Variants in ADD3 observed in about 807,000 individuals in gnomAD.
ADD3 encodes adducin 3.
In ADD3, 25 loss-of-function variants were observed where a neutral mutation model predicts 80.2. The ratio of observed to expected loss-of-function variants is 0.31; its 90% CI spans 0.23 to 0.44. The LOEUF (loss-of-function observed/expected upper bound fraction) is 0.44, where lower values mean the gene tolerates loss of function less well. Ranked by LOEUF, ADD3 falls within the 20% of genes least tolerant of loss-of-function variation. The pLI is 1.00. For synonymous variants in ADD3, 284 were observed against 289.6 expected, an observed-to-expected ratio of 0.98 and a Z score of 0.20; for missense variants, 829 against 847.5, an observed-to-expected ratio of 0.98 and a Z score of 0.27.
intron 12 of ADD3, among the ~76,000 whole-genome samples, chr10:110,127,751 G>A (rs147183350): frequency 6.6e-6 from 1 of 152,268 alleles, no homozygotes; most frequent in East Asian, 1.9e-4. Flanking sequence ...AGCTGCACAG[G>A]TTCATCTGGA....
At chr10:110,017,732 C>T (rs1268028120) in intron 1 of ADD3, among the ~76,000 whole-genome samples, 1 of 152,130 alleles carries the variant, frequency 6.6e-6, no homozygotes, top group East Asian at 1.9e-4. Context: ...TTTGTGCATA[C>T]CAAGTACGTT....
intron 1 of ADD3, among the ~76,000 whole-genome samples, chr10:110,096,047 CTGGT>C (rs1176762239): frequency 6.6e-6 from 1 of 151,964 alleles, no homozygotes; most frequent in Admixed American, 6.6e-5. Flanking sequence ...TGTCAGTGTG[CTGGT>C]TGTGATACTG....
chr10:110,115,600 G>A (rs964330245), intron 3 of ADD3, among the ~76,000 whole-genome samples: 2 of 152,222 alleles, frequency 1.3e-5, no homozygotes, highest in Non-Finnish European at 2.9e-5. Flanking sequence ...AGATGAACTT[G>A]TTAAAGGAGA....
intron 6 of ADD3, 122 bp from the exon 7 acceptor site, chr10:110,119,089 G>A: frequency 3.9e-6 from 4 of 1,033,488 alleles, no homozygotes; most frequent in Non-Finnish European, 5.6e-6. Flanking sequence ...TGGGAAGTGG[G>A]CTGCAATGGT....
chr10:110,043,570 G>A (rs1278259467), intron 1 of ADD3, among the ~76,000 whole-genome samples: 2 of 152,136 alleles, frequency 1.3e-5, no homozygotes, highest in Non-Finnish European at 2.9e-5. Flanking sequence ...CACTATTGGA[G>A]CCACATTTTT....
At chr10:110,084,149 G>A (rs1846408520) in intron 1 of ADD3, among the ~76,000 whole-genome samples, 1 of 152,188 alleles carries the variant, frequency 6.6e-6, no homozygotes, top group African/African-American at 2.4e-5. Flanking sequence ...GCATGTGTGA[G>A]TGGGCACAAA....
intron 1 of ADD3, among the ~76,000 whole-genome samples, chr10:110,034,138 T>TA (rs1367052416): frequency 1.3e-5 from 2 of 152,208 alleles, no homozygotes; most frequent in Non-Finnish European, 2.9e-5. Flanking sequence ...ACACTGCCCT[T>TA]AAGTTATGAG....
At chr10:110,096,113 T>G (rs990097044) in intron 1 of ADD3, among the ~76,000 whole-genome samples, 2 of 152,136 alleles carry the variant, frequency 1.3e-5, no homozygotes, top group African/African-American at 2.4e-5. Flanking sequence ...GAAAAGGGCA[T>G]AAGGGATGTC....
At position 110,123,872 on chromosome 10, in the gene ADD3, G is replaced by C. The variant is rs114283656; in HGVS notation, c.1144-145G>C. 819 of 781,628 alleles carry C rather than the reference G, an allele frequency of 1.0e-3. 4 individuals are homozygous for C. In the African/African-American group the frequency reaches 0.013, roughly 12 times the overall value. 48.4% of individuals were successfully genotyped at this position (781,628 alleles called of 1,614,324 possible). On this transcript the variant is annotated intron_variant, in intron 9 of 14. Coordinates refer to ENST00000356080, the MANE Select transcript of ADD3 (RefSeq NM_016824.5). Reference sequence around the variant, plus strand: ...ATTTCAGCTCCAGTGTTACATGAAAGTTATGTGGTGTTTGGAAGGATGCCT... The same window carrying C: ...ATTTCAGCTCCAGTGTTACATGAAACTTATGTGGTGTTTGGAAGGATGCCT...
chr10:110,011,976 A>C (rs377117766), intron 1 of ADD3, among the ~76,000 whole-genome samples: 1 of 152,250 alleles, frequency 6.6e-6, no homozygotes, highest in Non-Finnish European at 1.5e-5. Flanking sequence ...CCTCTAAAAC[A>C]TACAGGTTAG....
intron 3 of ADD3, among the ~76,000 whole-genome samples, chr10:110,114,464 A>T (rs1211070391): frequency 6.6e-6 from 1 of 152,220 alleles, no homozygotes; most frequent in East Asian, 1.9e-4. Flanking sequence ...TTACAAAGAA[A>T]GGGGCTACAG....
Position 110,122,807 on chromosome 10 carries a change from C to A in ADD3, c.1143+515C>A, listed in dbSNP as rs1253678025. On this transcript the variant is annotated intron_variant, in intron 9 of 14. Transcript: ENST00000356080. ...TGGCTAATTTATTTTTTTTTTTTTA[C>A]TTTTTGTAGAGATAGGGTTTCTCCA... 2.0e-5 allele frequency among the ~76,000 whole-genome samples: 3 copies of A among 149,088 alleles called. No individual in the cohort carries two copies. In the South Asian group the frequency reaches 6.3e-4, roughly 31 times the overall value.
At chr10:110,043,892 A>T (rs1051860621) in intron 1 of ADD3, among the ~76,000 whole-genome samples, 1 of 152,182 alleles carries the variant, frequency 6.6e-6, no homozygotes, top group Non-Finnish European at 1.5e-5. Context: ...AGTGAAAATT[A>T]GGGGAGATAT....
chr10:110,058,283 A>G (rs1380748592), intron 1 of ADD3, among the ~76,000 whole-genome samples: 3 of 151,922 alleles, frequency 2.0e-5, no homozygotes, highest in African/African-American at 4.8e-5. Context: ...AGTTTTTGTC[A>G]TTTCCACTTT....
At chr10:110,031,350 G>A (rs550914520) in intron 1 of ADD3, among the ~76,000 whole-genome samples, 1 of 152,276 alleles carries the variant, frequency 6.6e-6, no homozygotes, top group African/African-American at 2.4e-5. Flanking sequence ...ACAGTGCTAG[G>A]TACTTTAGGT....
chr10:110,094,283 C>A (rs1847898205), intron 1 of ADD3, among the ~76,000 whole-genome samples: 1 of 152,032 alleles, frequency 6.6e-6, no homozygotes, highest in Admixed American at 6.6e-5. Flanking sequence ...ATCTGGATGA[C>A]ATGGTAATGC....
intron 1 of ADD3, among the ~76,000 whole-genome samples, chr10:110,071,263 G>T (rs1349442746): frequency 6.6e-6 from 1 of 152,132 alleles, no homozygotes; most frequent in Admixed American, 6.5e-5. Flanking sequence ...CAAAGCAAAA[G>T]TAACATTTTT....
At chr10:110,055,187 T>C (rs1033797532) in intron 1 of ADD3, among the ~76,000 whole-genome samples, 2 of 152,200 alleles carry the variant, frequency 1.3e-5, no homozygotes, top group African/African-American at 4.8e-5. Flanking sequence ...TAAAAACATA[T>C]GGGCAGGTGT....
chr10:110,012,938 C>T (rs765139058), intron 1 of ADD3, among the ~76,000 whole-genome samples: 2 of 152,034 alleles, frequency 1.3e-5, no homozygotes, highest in Non-Finnish European at 2.9e-5. Flanking sequence ...TGAGCCTTTA[C>T]TTGAAGTCAG....
Sources: allele counts gnomAD v4.1 joint callset (sites outside exome capture counted in the v4.1 genomes callset), GRCh38; gene constraint gnomAD v4.1.1; transcripts MANE v1.5; gene names NCBI Gene and HGNC (gene_info 2026-07-23, HGNC 2026-07-21).